The following REDIC1 variants were observed in gnomAD, a reference collection of about 807,000 sequenced individuals.
REDIC1 encodes the protein regulator of DNA class I crossover intermediates 1.
chr12:39,663,698 G>C, the REDIC1 span, among the ~76,000 whole-genome samples: 1 of 151,938 alleles, frequency 6.6e-6, no homozygotes, highest in African/African-American at 2.4e-5. Flanking sequence ...TTCTGGTGTG[G>C]TAACATTTGA....
At chr12:39,830,150 G>T in the REDIC1 span, 1 of 1,613,738 alleles carries the variant, frequency 6.2e-7, no homozygotes, top group South Asian at 1.1e-5. Flanking sequence ...CTGGAACACA[G>T]GAGGAGTCAA....
the REDIC1 span, among the ~76,000 whole-genome samples, chr12:39,627,612 C>A: frequency 6.6e-6 from 1 of 152,042 alleles, no homozygotes; most frequent in East Asian, 1.9e-4. Flanking sequence ...TACTGCAGCA[C>A]CTGGAGGTGC....
the REDIC1 span, among the ~76,000 whole-genome samples, chr12:39,754,625 T>G: frequency 6.6e-6 from 1 of 151,860 alleles, no homozygotes; most frequent in Non-Finnish European, 1.5e-5. Flanking sequence ...AGCAACGGAG[T>G]CCCAAAAAGA....
chr12:39,901,008 T>C, the REDIC1 span, among the ~76,000 whole-genome samples: 1 of 152,026 alleles, frequency 6.6e-6, no homozygotes, highest in Admixed American at 6.6e-5. Context: ...TCAATGGAAC[T>C]GAACAGAGCC....
the REDIC1 span, chr12:39,682,903 A>G: frequency 1.9e-6 from 3 of 1,612,916 alleles, no homozygotes; most frequent in East Asian, 4.5e-5. Flanking sequence ...TTATGATAGT[A>G]TGGGAGATAC....
At chr12:39,897,002 A>C in the REDIC1 span, among the ~76,000 whole-genome samples, 10 of 152,160 alleles carry the variant, frequency 6.6e-5, no homozygotes, top group South Asian at 2.1e-3. Context: ...TTAGTAAAAG[A>C]AAAAACACTG....
the REDIC1 span, among the ~76,000 whole-genome samples, chr12:39,654,060 G>A: frequency 2.7e-5 from 4 of 149,046 alleles, no homozygotes; most frequent in African/African-American, 1.0e-4. Flanking sequence ...TTGAAATTAT[G>A]ATGTTGTTTT....
At chr12:39,896,550 A>G in the REDIC1 span, among the ~76,000 whole-genome samples, 7 of 141,194 alleles carry the variant, frequency 5.0e-5, no homozygotes, top group Admixed American at 1.6e-4. Context: ...GTATGTGTGT[A>G]TACATGTATA....
chr12:39,806,694 T>C, the REDIC1 span, among the ~76,000 whole-genome samples: 1 of 152,190 alleles, frequency 6.6e-6, no homozygotes, highest in Non-Finnish European at 1.5e-5. Flanking sequence ...AAAGTTAATA[T>C]CTTATTATTT....
At chr12:39,696,811 G>A in the REDIC1 span, among the ~76,000 whole-genome samples, 3 of 152,036 alleles carry the variant, frequency 2.0e-5, no homozygotes, top group Admixed American at 6.6e-5. Flanking sequence ...AATCTTAACA[G>A]CAGAACTGAT....
At chr12:39,744,345 T>C in the REDIC1 span, among the ~76,000 whole-genome samples, 1 of 152,190 alleles carries the variant, frequency 6.6e-6, no homozygotes, top group East Asian at 1.9e-4. Flanking sequence ...GAGAATGCAG[T>C]TGATATGGGT....
chr12:39,721,308 T>C, the REDIC1 span: 3 of 1,425,046 alleles, frequency 2.1e-6, no homozygotes, highest in South Asian at 2.5e-5. Context: ...AAAACAACAG[T>C]AAATGTTGAA....
At chr12:39,806,710 T>G in the REDIC1 span, among the ~76,000 whole-genome samples, 1 of 152,214 alleles carries the variant, frequency 6.6e-6, no homozygotes. Flanking sequence ...TATTTGAGAA[T>G]TCTTCAAAAT....
At chr12:39,754,705 A>C in the REDIC1 span, among the ~76,000 whole-genome samples, 4 of 152,106 alleles carry the variant, frequency 2.6e-5, no homozygotes, top group South Asian at 8.3e-4. Context: ...ATAATTTTTG[A>C]CAACTCAACT....
chr12:39,893,543 G>T, the REDIC1 span, among the ~76,000 whole-genome samples: 2 of 152,286 alleles, frequency 1.3e-5, no homozygotes, highest in African/African-American at 4.8e-5. Flanking sequence ...CAGGTGATCT[G>T]CCCGCCTTGG....
At chr12:39,873,916 A>C in the REDIC1 span, among the ~76,000 whole-genome samples, 2 of 152,220 alleles carry the variant, frequency 1.3e-5, no homozygotes, top group Admixed American at 1.3e-4. Flanking sequence ...AGGTAACATA[A>C]TCACTTGTAC....
chr12:39,636,310 T>C, the REDIC1 span, among the ~76,000 whole-genome samples: 1 of 152,166 alleles, frequency 6.6e-6, no homozygotes, highest in African/African-American at 2.4e-5. Flanking sequence ...AACGTTTTTT[T>C]CCTTAATACC....
chr12:39,772,445 A>C, the REDIC1 span, among the ~76,000 whole-genome samples: 13 of 152,290 alleles, frequency 8.5e-5, no homozygotes, highest in Middle Eastern at 6.8e-3. Context: ...GTCCATCATA[A>C]TACCCTATGT....
At chr12:39,832,859 T>C in the REDIC1 span, among the ~76,000 whole-genome samples, 1 of 152,118 alleles carries the variant, frequency 6.6e-6, no homozygotes, top group Non-Finnish European at 1.5e-5. Context: ...TTGCCTTATC[T>C]GTGACTTCAG....
Sources: allele counts gnomAD v4.1 joint callset (sites outside exome capture counted in the v4.1 genomes callset), GRCh38; gene constraint gnomAD v4.1.1; transcripts MANE v1.5; gene names NCBI Gene and HGNC (gene_info 2026-07-23, HGNC 2026-07-21).